NEK11: variants seen among roughly 807,000 people sequenced by gnomAD.
The protein encoded by NEK11 is NIMA related kinase 11.
A neutral mutation model predicts 80.7 loss-of-function variants in NEK11; 72 were observed. The ratio of observed to expected loss-of-function variants is 0.89; its 90% CI spans 0.74 to 1.08. The LOEUF (loss-of-function observed/expected upper bound fraction) is 1.08. Among genes scored for constraint, NEK11 ranks in the 50% least tolerant of loss-of-function variants. The pLI, the probability that NEK11 is intolerant of heterozygous loss-of-function variation, is 0.00. For synonymous variants in NEK11, 251 were observed against 260.7 expected (o/e 0.96, Z 0.36); for missense variants, 764 against 763.6 (o/e 1.00, Z -0.01).
chr3:131,028,947 G>A (rs1347257454), intron 2 of NEK11, among the ~76,000 whole-genome samples: 1 of 152,150 alleles, frequency 6.6e-6, no homozygotes, highest in Non-Finnish European at 1.5e-5. Context: ...GACATTAAAT[G>A]GGATTTTAGG....
intron 12 of NEK11, among the ~76,000 whole-genome samples, chr3:131,168,337 CTT>C (rs60918535): frequency 0.78 from 114,264 of 146,920 alleles, 44,585 homozygotes; most frequent in East Asian, 0.85. Flanking sequence ...TGTTGCATTT[CTT>C]TTTTTTTTTT....
chr3:131,054,619 T>TG (rs950397324), intron 3 of NEK11: 4 of 151,358 alleles, frequency 2.6e-5, no homozygotes, highest in Non-Finnish European at 5.9e-5. Context: ...TAGCCAGGCA[T>TG]GGTGGCACAT....
chr3:131,310,451 T>C (rs1437452389), intron 17 of NEK11, among the ~76,000 whole-genome samples: 1 of 152,206 alleles, frequency 6.6e-6, no homozygotes, highest in Non-Finnish European at 1.5e-5. Flanking sequence ...CAAAGACTAA[T>C]TTTCAGGATT....
At chr3:131,276,979 A>G (rs1354412278) in intron 17 of NEK11, among the ~76,000 whole-genome samples, 1 of 152,152 alleles carries the variant, frequency 6.6e-6, no homozygotes, top group Non-Finnish European at 1.5e-5. Context: ...TGACACTGAC[A>G]TTTTTGAAGA....
At chr3:131,231,609 CA>C (rs1330083738) in intron 15 of NEK11, among the ~76,000 whole-genome samples, 1 of 151,722 alleles carries the variant, frequency 6.6e-6, no homozygotes, top group East Asian at 2.0e-4. Context: ...CAGGTAATTA[CA>C]ACCCCATTTG....
chr3:131,054,808 G>T (rs577695204), intron 3 of NEK11, among the ~76,000 whole-genome samples: 12 of 149,754 alleles, frequency 8.0e-5, no homozygotes, highest in African/African-American at 1.2e-4. Context: ...GAATGTACCC[G>T]GTAGATATGG....
At chr3:131,095,541 T>TA (rs1232188930) in intron 4 of NEK11, among the ~76,000 whole-genome samples, 5 of 151,366 alleles carry the variant, frequency 3.3e-5, no homozygotes, top group African/African-American at 4.8e-5. Context: ...CAGTATTTTT[T>TA]AAAAATTAAA....
At chr3:131,227,118 C>A (rs2095223486) in intron 14 of NEK11, among the ~76,000 whole-genome samples, 1 of 151,064 alleles carries the variant, frequency 6.6e-6, no homozygotes, top group South Asian at 2.1e-4. Flanking sequence ...ACACTGCTTT[C>A]TAAGGAACTG....
chr3:131,255,665 G>A (rs552840473), intron 16 of NEK11, among the ~76,000 whole-genome samples: 9 of 152,078 alleles, frequency 5.9e-5, no homozygotes, highest in South Asian at 4.1e-4. Context: ...TTCCCCTCCC[G>A]ACTGCTTGGC....
At chr3:131,306,033 A>C (rs1244584405) in intron 17 of NEK11, among the ~76,000 whole-genome samples, 1 of 152,126 alleles carries the variant, frequency 6.6e-6, no homozygotes, top group African/African-American at 2.4e-5. Context: ...GTTCTGTCTT[A>C]GGATTTAAGA....
intron 7 of NEK11, among the ~76,000 whole-genome samples, chr3:131,137,735 G>A (rs1050246113): frequency 6.6e-6 from 1 of 152,070 alleles, no homozygotes; most frequent in African/African-American, 2.4e-5. Flanking sequence ...AATTTTAAAA[G>A]GGTTAATAAC....
chr3:131,132,902 TTAGAG>T (rs781191394), intron 6 of NEK11, 93 bp downstream of exon 6: 7 of 593,926 alleles, frequency 1.2e-5, no homozygotes, highest in South Asian at 4.3e-5. Flanking sequence ...CGTGGAAGTA[TTAGAG>T]TAATCATTGG....
chr3:131,249,551 C>T (rs2095663732), intron 16 of NEK11, among the ~76,000 whole-genome samples: 1 of 151,994 alleles, frequency 6.6e-6, no homozygotes, highest in African/African-American at 2.4e-5. Context: ...CACCAAAGGA[C>T]AGGGTGATGT....
At chr3:131,347,196 T>A (rs928052505) in intron 17 of NEK11, among the ~76,000 whole-genome samples, 6 of 152,178 alleles carry the variant, frequency 3.9e-5, no homozygotes, top group African/African-American at 1.4e-4. Flanking sequence ...ATCTGGTGTT[T>A]TAAGATCAGC....
intron 17 of NEK11, 96 bp from the exon 18 acceptor site, chr3:131,349,461 T>G (rs1488873957): frequency 9.6e-7 from 1 of 1,040,290 alleles, no homozygotes; most frequent in Non-Finnish European, 1.4e-6. Context: ...AATCCCAGAA[T>G]GACAATGTTT....
chr3:131,283,518 G>C (rs919475958), intron 17 of NEK11, among the ~76,000 whole-genome samples: 1 of 87,430 alleles, frequency 1.1e-5, no homozygotes, highest in African/African-American at 1.3e-4. Context: ...GGCTATTACT[G>C]TGTGTGTGTG....
At chr3:131,318,481 G>T (rs969768752) in intron 17 of NEK11, among the ~76,000 whole-genome samples, 2 of 151,766 alleles carry the variant, frequency 1.3e-5, no homozygotes, top group Non-Finnish European at 2.9e-5. Flanking sequence ...TATATCAAAG[G>T]TATATACTTA....
At chr3:131,202,103 G>T (rs2094256258) in intron 14 of NEK11, among the ~76,000 whole-genome samples, 1 of 152,174 alleles carries the variant, frequency 6.6e-6, no homozygotes, top group East Asian at 1.9e-4. Flanking sequence ...AAAGTGCTGG[G>T]ATTAGTGTGA....
intron 15 of NEK11, among the ~76,000 whole-genome samples, chr3:131,239,887 A>T (rs919962940): frequency 2.0e-5 from 3 of 152,130 alleles, no homozygotes; most frequent in African/African-American, 7.2e-5. Flanking sequence ...TATACATAAT[A>T]TTATATATAG....
Sources: gnomAD v4.1 joint callset for allele counts (sites outside exome capture counted in the v4.1 genomes callset) on GRCh38, gnomAD v4.1.1 for gene constraint, MANE v1.5 for transcripts, NCBI Gene and HGNC (gene_info 2026-07-23, HGNC 2026-07-21) for gene names.